Variants in L3HYPDH observed in about 807,000 individuals in gnomAD.
L3HYPDH encodes trans-3-hydroxy-L-proline dehydratase.
In L3HYPDH, 32 loss-of-function variants were observed where a neutral mutation model predicts 26.5. The observed-to-expected ratio is 1.21, with a 90% confidence interval of 0.91 to 1.62. The LOEUF is 1.62. Among genes scored for constraint, L3HYPDH ranks in the 40% most tolerant of loss-of-function variants. L3HYPDH has a pLI of 0.00. For synonymous variants in L3HYPDH, 215 were observed against 196.6 expected, an observed-to-expected ratio of 1.09 and a Z score of -0.78; for missense variants, 554 against 476.4, an observed-to-expected ratio of 1.16 and a Z score of -1.52.
chr14:59,503,449 G>A, the L3HYPDH span, among the ~76,000 whole-genome samples: 1 of 152,184 alleles, frequency 6.6e-6, no homozygotes, highest in Non-Finnish European at 1.5e-5. Context: ...AGGAGGTTGG[G>A]TTTCTGTACC....
Position 59,474,824 on chromosome 14 carries a change from T to C in L3HYPDH, c.939+1045A>G, listed in dbSNP as rs1566559558. 3 of 264,736 alleles carry C rather than the reference T, an allele frequency of 1.1e-5. No individual in the cohort carries two copies. In the East Asian group the frequency reaches 2.1e-4, roughly 18 times the overall value. The allele number at this position is 264,736 out of a possible 1,614,324, so 16.4% of individuals were successfully genotyped here. On this transcript the variant is annotated intron_variant, in intron 4 of 4. Transcript: ENST00000247194. ...TGAAGTATCCAATAAATGTATGTTG[T>C]TATTTTTATGTTCCATTTCAGATTT...
chr14:59,504,060 C>A, the L3HYPDH span: 1 of 1,607,842 alleles, frequency 6.2e-7, no homozygotes, highest in Non-Finnish European at 8.5e-7. Flanking sequence ...CAGAAGGAGC[C>A]AATGGACACT....
the L3HYPDH span, chr14:59,505,207 T>C: frequency 8.5e-7 from 1 of 1,180,532 alleles, no homozygotes; most frequent in South Asian, 1.6e-5. Flanking sequence ...TAGTAGTCTG[T>C]CTTTTGAATT....
rs1224639135 is a variant in L3HYPDH, at chr14:59,484,287, C to T, written c.30G>A (p.Leu10=). 3 of 1,592,768 alleles carry T rather than the reference C, an allele frequency of 1.9e-6. No homozygotes were observed. Among genetic ancestry groups the T allele is most frequent in the East Asian group, 2.2e-5 (1 of 44,800 alleles). MESALAVPR[L]PPHDPGTPVL... ...CCGGCGTCCCTGGATCATGCGGGGG[C>T]AGCCGGGGCACCGCCAGCGCGCTCT... is the stretch of plus-strand genomic sequence containing the variant. The change falls in exon 1 of 5, where the codon CTG becomes CTA. Residue 10 remains leucine, a synonymous_variant. Transcript: ENST00000247194.
chr14:59,474,207 G>A (rs1889464746), intron 4 of L3HYPDH, among the ~76,000 whole-genome samples: 5 of 152,194 alleles, frequency 3.3e-5, no homozygotes, highest in African/African-American at 1.2e-4. Flanking sequence ...TAAGCCAAGG[G>A]CATGGTGCCC....
intron 1 of L3HYPDH, among the ~76,000 whole-genome samples, chr14:59,466,849 C>T (rs1358778674): frequency 6.6e-6 from 1 of 152,140 alleles, no homozygotes; most frequent in Admixed American, 6.5e-5. Context: ...TCCCTAGTTC[C>T]TACCTACGAG....
intron 2 of L3HYPDH, among the ~76,000 whole-genome samples, chr14:59,477,840 CTT>C (rs1889744948): frequency 6.6e-6 from 1 of 152,126 alleles, no homozygotes; most frequent in South Asian, 2.1e-4. Flanking sequence ...ACACAAGTTA[CTT>C]TTTACTACTA....
upstream of L3HYPDH, chr14:59,484,469 T>G (rs1249963293): frequency 3.5e-6 from 5 of 1,409,714 alleles, no homozygotes; most frequent in Admixed American, 4.1e-5. Flanking sequence ...GGGAGGAACT[T>G]CGGAGCTGTC....
the L3HYPDH span, chr14:59,499,010 T>C: frequency 2.6e-6 from 1 of 391,086 alleles, no homozygotes; most frequent in Non-Finnish European, 4.2e-6. Flanking sequence ...ATAGTTTGTT[T>C]AATCCTTTTT....
upstream of L3HYPDH, chr14:59,484,447 A>C: frequency 7.3e-7 from 1 of 1,376,904 alleles, no homozygotes; most frequent in Non-Finnish European, 9.9e-7. Context: ...CGGAGCCTAA[A>C]CCCGGAAGCG....
At chr14:59,473,531 AT>A (rs1391648104) in intron 4 of L3HYPDH, among the ~76,000 whole-genome samples, 1 of 152,230 alleles carries the variant, frequency 6.6e-6, no homozygotes, top group African/African-American at 2.4e-5. Flanking sequence ...TAGTGATGCC[AT>A]TAAACACAAT....
chr14:59,494,198 GAAAA>G, the L3HYPDH span, among the ~76,000 whole-genome samples: 1 of 149,578 alleles, frequency 6.7e-6, no homozygotes, highest in East Asian at 1.9e-4. Flanking sequence ...CTGCTAAGTA[GAAAA>G]AAAAATAAAA....
the L3HYPDH span, among the ~76,000 whole-genome samples, chr14:59,502,194 C>G: frequency 0.013 from 1,998 of 152,192 alleles, 25 homozygotes; most frequent in African/African-American, 0.038. Flanking sequence ...ATATTAGTAA[C>G]TGTTATACAT....
the L3HYPDH span, among the ~76,000 whole-genome samples, chr14:59,494,138 G>C: frequency 1.3e-5 from 2 of 151,654 alleles, no homozygotes; most frequent in Non-Finnish European, 2.9e-5. Flanking sequence ...GTGTGTGTGT[G>C]AGATACACAC....
At chr14:59,489,991 C>G in the L3HYPDH span, among the ~76,000 whole-genome samples, 1 of 152,112 alleles carries the variant, frequency 6.6e-6, no homozygotes, top group African/African-American at 2.4e-5. Context: ...GGTGTGATCA[C>G]TGGTTACTGC....
Position 59,472,979 on chromosome 14 carries a change from A to C in L3HYPDH, c.1051T>G (p.Phe351Val). ...IEDDDPLRDG[F>V]LLK is the part of the protein sequence containing the mutation. ...CATGGAAGAAGTCACTTGAGAAGAA[A>C]TCCATCCCTCAATGGGTCGTCATCT... The change falls in exon 5 of 5, where the codon TTT becomes GTT. Residue 351 changes from phenylalanine to valine, a missense_variant. Transcript: ENST00000247194. 1.3e-6 allele frequency: 2 copies of C among 1,599,796 alleles called. No homozygotes were observed. The highest frequency in any genetic ancestry group is 1.7e-6 in the Non-Finnish European group (2 of 1,175,574).
At position 59,475,986 on chromosome 14, in the gene L3HYPDH, G is replaced by A; in HGVS notation, c.822C>T (p.Gly274=). ...AGGCAATTCGGGCTGTCACTCCTGAGCCAGTGGGACTTCTGTCAACCTGTT... is the reference window on the plus strand; with the variant it reads ...AGGCAATTCGGGCTGTCACTCCTGAACCAGTGGGACTTCTGTCAACCTGTT... ...ADEQVDRSPT[G]SGVTARIALQ... is the part of the protein sequence containing the mutation. Residue 274 remains glycine (G), a synonymous_variant, in exon 4 of 5, where the codon GGC becomes GGT. Coordinates refer to ENST00000247194, the MANE Select transcript of L3HYPDH (RefSeq NM_144581.2). 1 of 1,614,022 alleles carries A rather than the reference G, an allele frequency of 6.2e-7. No individual in the cohort carries two copies. The highest frequency in any genetic ancestry group is 8.5e-7 in the Non-Finnish European group (1 of 1,179,906).
chr14:59,499,615 T>C, the L3HYPDH span, among the ~76,000 whole-genome samples: 2 of 152,018 alleles, frequency 1.3e-5, no homozygotes, highest in Non-Finnish European at 2.9e-5. Flanking sequence ...GCTGAGAAAA[T>C]GTAGTGTGGT....
intron 4 of L3HYPDH, 97 bp from the exon 5 acceptor site, chr14:59,473,187 G>T (rs1889388715): frequency 8.5e-7 from 1 of 1,181,300 alleles, no homozygotes; most frequent in East Asian, 2.6e-5. Flanking sequence ...GTGAAGGAAA[G>T]GCCAAGGGTT....
Sources: allele counts gnomAD v4.1 joint callset (sites outside exome capture counted in the v4.1 genomes callset), GRCh38; gene constraint gnomAD v4.1.1; transcripts MANE v1.5; gene names NCBI Gene and HGNC (gene_info 2026-07-23, HGNC 2026-07-21).